BMPR1B: variants seen among roughly 807,000 people sequenced by gnomAD.
BMPR1B encodes bone morphogenetic protein receptor type-1B.
In BMPR1B, 12 loss-of-function variants were observed where a neutral mutation model predicts 59.1. The observed-to-expected ratio is 0.20, with a 90% CI of 0.13 to 0.33. BMPR1B has a LOEUF of 0.33. BMPR1B is among the 10% of genes least tolerant of loss of function. BMPR1B has a pLI of 1.00. For missense variants in BMPR1B, 550 were observed against 610.9 expected, an observed-to-expected ratio of 0.90 and a Z score of 1.05; for synonymous variants, 237 against 207.3, an observed-to-expected ratio of 1.14 and a Z score of -1.23.
At chr4:94,943,532 A>G (rs1419815676) in intron 2 of BMPR1B, among the ~76,000 whole-genome samples, 1 of 152,214 alleles carries the variant, frequency 6.6e-6, no homozygotes, top group Non-Finnish European at 1.5e-5. Flanking sequence ...GGTTTGTTTG[A>G]AAGTTAAAGG....
intron 1 of BMPR1B, among the ~76,000 whole-genome samples, chr4:94,799,451 G>A (rs902183630): frequency 1.3e-5 from 2 of 150,990 alleles, no homozygotes; most frequent in Non-Finnish European, 2.9e-5. Flanking sequence ...CTACAGGCAC[G>A]CGCCACCATG....
intron 10 of BMPR1B, among the ~76,000 whole-genome samples, chr4:95,141,563 C>G (rs879595197): frequency 6.6e-6 from 1 of 152,094 alleles, no homozygotes; most frequent in African/African-American, 2.4e-5. Flanking sequence ...ACGTAAGTGC[C>G]GATGCATTTC....
chr4:94,975,432 C>T (rs186084543), intron 2 of BMPR1B, among the ~76,000 whole-genome samples: 199 of 138,820 alleles, frequency 1.4e-3, no homozygotes, highest in African/African-American at 4.1e-3. Context: ...GGTGCAGTCA[C>T]GACTCACTGC....
At chr4:94,785,832 A>G (rs1336367780) in intron 1 of BMPR1B, among the ~76,000 whole-genome samples, 1 of 152,028 alleles carries the variant, frequency 6.6e-6, no homozygotes, top group Non-Finnish European at 1.5e-5. Context: ...TGGAAATGAG[A>G]CCTCTGGGTA....
intron 2 of BMPR1B, among the ~76,000 whole-genome samples, chr4:94,915,281 A>C (rs1019133198): frequency 3.3e-5 from 5 of 152,032 alleles, no homozygotes; most frequent in Non-Finnish European, 5.9e-5. Flanking sequence ...GTTTTTTATA[A>C]TTAACTAAAA....
At chr4:95,061,334 G>C (rs1478716108) in intron 3 of BMPR1B, among the ~76,000 whole-genome samples, 1 of 152,048 alleles carries the variant, frequency 6.6e-6, no homozygotes, top group African/African-American at 2.4e-5. Flanking sequence ...GTCATGCATG[G>C]GCTACATCTG....
chr4:95,115,399 A>G (rs1335654244), intron 5 of BMPR1B, among the ~76,000 whole-genome samples: 1 of 152,166 alleles, frequency 6.6e-6, no homozygotes, highest in Non-Finnish European at 1.5e-5. Flanking sequence ...TCAAAATCCA[A>G]TTTAGCTTGT....
At chr4:94,855,315 G>T (rs1291808721) in intron 1 of BMPR1B, among the ~76,000 whole-genome samples, 3 of 152,130 alleles carry the variant, frequency 2.0e-5, no homozygotes, top group Admixed American at 2.0e-4. Flanking sequence ...TGATAGAAAA[G>T]AAATCAGAGC....
At chr4:94,761,398 T>C (rs1721757984) in intron 1 of BMPR1B, among the ~76,000 whole-genome samples, 1 of 149,940 alleles carries the variant, frequency 6.7e-6, no homozygotes, top group African/African-American at 2.5e-5. Context: ...TGGACTTACA[T>C]TTTCCGCTGT....
At chr4:94,815,645 C>G (rs1343572276) in intron 1 of BMPR1B, among the ~76,000 whole-genome samples, 1 of 152,126 alleles carries the variant, frequency 6.6e-6, no homozygotes. Context: ...ATTCAGATTC[C>G]AGAATCACAC....
chr4:94,916,914 C>G (rs1025216518), intron 2 of BMPR1B, among the ~76,000 whole-genome samples: 1 of 152,202 alleles, frequency 6.6e-6, no homozygotes, highest in Admixed American at 6.5e-5. Context: ...CAGGGACCTG[C>G]TGCCCTGTGC....
chr4:95,115,516 G>A (rs1261122669), intron 5 of BMPR1B, among the ~76,000 whole-genome samples, 169 bp from the exon 6 acceptor site: 3 of 152,140 alleles, frequency 2.0e-5, no homozygotes, highest in Admixed American at 6.6e-5. Context: ...ATAATACATG[G>A]TAGCTTGAAA....
intron 3 of BMPR1B, among the ~76,000 whole-genome samples, chr4:95,040,097 T>C (rs1304560788): frequency 6.6e-6 from 1 of 152,056 alleles, no homozygotes; most frequent in Non-Finnish European, 1.5e-5. Flanking sequence ...ACTGTTGAGG[T>C]TTCTATGGAA....
intron 2 of BMPR1B, among the ~76,000 whole-genome samples, chr4:94,890,703 A>G (rs769141619): frequency 8.5e-5 from 13 of 152,054 alleles, no homozygotes; most frequent in Non-Finnish European, 1.8e-4. Flanking sequence ...TCTAGCTTAC[A>G]GACTGCCACC....
At chr4:95,039,333 G>C (rs1296610568) in intron 3 of BMPR1B, among the ~76,000 whole-genome samples, 4 of 151,828 alleles carry the variant, frequency 2.6e-5, no homozygotes, top group Non-Finnish European at 4.4e-5. Context: ...TTAAAGTTTA[G>C]GTTTCACTAA....
chr4:94,992,561 A>C (rs1218570118), intron 2 of BMPR1B, among the ~76,000 whole-genome samples: 1 of 152,224 alleles, frequency 6.6e-6, no homozygotes, highest in Non-Finnish European at 1.5e-5. Context: ...TGTTGTTTTT[A>C]GTGTTAGAGA....
chr4:95,107,520 C>T (rs1731275571), intron 4 of BMPR1B, among the ~76,000 whole-genome samples: 2 of 151,958 alleles, frequency 1.3e-5, no homozygotes, highest in African/African-American at 2.4e-5. Flanking sequence ...CCATTGCCGT[C>T]AACATCAATG....
intron 1 of BMPR1B, among the ~76,000 whole-genome samples, chr4:94,776,786 C>T (rs187675937): frequency 4.6e-5 from 7 of 152,100 alleles, no homozygotes; most frequent in East Asian, 1.9e-4. Context: ...CATGAATACG[C>T]GTTCAATGGA....
chr4:94,807,017 A>T (rs1723631148), intron 1 of BMPR1B, among the ~76,000 whole-genome samples: 2 of 152,190 alleles, frequency 1.3e-5, no homozygotes, highest in South Asian at 2.1e-4. Context: ...ATTATATTTT[A>T]TAATGAAAGA....
Sources: allele counts gnomAD v4.1 joint callset (sites outside exome capture counted in the v4.1 genomes callset), GRCh38; gene constraint gnomAD v4.1.1; transcripts MANE v1.5; gene names NCBI Gene and HGNC (gene_info 2026-07-23, HGNC 2026-07-21).